MYH11: variants seen among roughly 807,000 people sequenced by gnomAD.
The protein encoded by MYH11 is myosin-11.
MYH11 carries 80 observed loss-of-function variants against 246.6 expected under a neutral mutation model. The ratio of observed to expected loss-of-function variants is 0.32; its 90% confidence interval spans 0.27 to 0.39. MYH11 has a LOEUF of 0.39. Among genes scored for constraint, MYH11 ranks in the 10% least tolerant of loss-of-function variants. The pLI is 1.00. For synonymous variants in MYH11, 1,071 were observed against 1,015.5 expected, an observed-to-expected ratio of 1.05 and a Z score of -1.04; for missense variants, 2,158 against 2,546.8, an observed-to-expected ratio of 0.85 and a Z score of 3.29.
chr16:15,738,476 G>A, intron 24 of MYH11, 89 bp downstream of exon 24: 1 of 1,285,364 alleles, frequency 7.8e-7, no homozygotes, highest in Non-Finnish European at 1.1e-6. Context: ...TCGCACCACT[G>A]CACTGCAGCC....
rs794728673 is a variant in MYH11, at chr16:15,771,639, C to G, written c.963G>C (p.Gln321His). 2 of 1,613,890 alleles carry G rather than the reference C, an allele frequency of 1.2e-6. No homozygotes were observed. Among genetic ancestry groups the G allele is most frequent in the Admixed American group, 1.7e-5 (1 of 59,964 alleles). Residue 321 changes from glutamine to histidine, a missense_variant, in exon 9 of 41, where the codon CAG (glutamine) becomes CAC (histidine). Coordinates refer to ENST00000300036, the MANE Select transcript of MYH11 (RefSeq NM_002474.3). ...SNGFVPIPAA[Q>H]DDEMFQETVE... The stretch of plus-strand genomic sequence containing the variant: ...CGGTTTCCTGGAACATCTCATCATC[C>G]TGGGCTGCTGGGATGGGCACAAAGC...
intron 3 of MYH11, among the ~76,000 whole-genome samples, chr16:15,819,417 T>C (rs574251171): frequency 1.3e-5 from 2 of 152,324 alleles, no homozygotes; most frequent in East Asian, 3.9e-4. Flanking sequence ...CATCTGTATT[T>C]ACAGCCACTC....
At chr16:15,724,490 G>GA (rs1455580299) in intron 30 of MYH11, 81 bp from the exon 31 acceptor site, 1 of 1,608,444 alleles carries the variant, frequency 6.2e-7, no homozygotes, top group Non-Finnish European at 8.5e-7. Flanking sequence ...TCTGAGAAGC[G>GA]AAGACCATGT....
In MYH11 at chr16:15,721,475, G is replaced by C; in HGVS notation, c.4525C>G (p.Leu1509Val). 1.2e-6 allele frequency: 2 copies of C among 1,614,182 alleles called. No homozygotes were observed. Among genetic ancestry groups the C allele is most frequent in the Non-Finnish European group, 1.7e-6 (2 of 1,180,040 alleles). Residue 1509 changes from leucine (L) to valine (V), a missense_variant, in exon 32 of 41, where the codon CTC becomes GTC. By Grantham distance (32) the Leu-to-Val change is conservative. Coordinates refer to ENST00000300036, the MANE Select transcript of MYH11 (RefSeq NM_002474.3). ...ACCAGGTCTTCCATTTCGGCTTTGA[G>C]CATTTTGTTGGTCCGCTCGAGTTCC... ...KEELERTNKM[L>V]KAEMEDLVSS...
At chr16:15,763,633 C>A (rs2041915927) in intron 10 of MYH11, among the ~76,000 whole-genome samples, 163 bp downstream of exon 10, 1 of 151,864 alleles carries the variant, frequency 6.6e-6, no homozygotes, top group Non-Finnish European at 1.5e-5. Context: ...CACATAGGGT[C>A]TTGAGCACTG....
intron 40 of MYH11, chr16:15,708,776 AC>A: frequency 6.3e-7 from 1 of 1,598,908 alleles, no homozygotes; most frequent in Non-Finnish European, 8.5e-7. Flanking sequence ...GAGACAACAC[AC>A]AGCTGCGAAG....
intron 40 of MYH11, among the ~76,000 whole-genome samples, chr16:15,707,508 G>A (rs1233068543): frequency 2.0e-5 from 3 of 152,190 alleles, no homozygotes; most frequent in African/African-American, 4.8e-5. Flanking sequence ...AGAGCTGCTT[G>A]AAGTGTCCTA....
At chr16:15,718,829 T>C (rs1423164757) in intron 36 of MYH11, 6 of 404,372 alleles carry the variant, frequency 1.5e-5, no homozygotes, top group African/African-American at 6.1e-5. Flanking sequence ...AGCAGCAGCA[T>C]TGAAATGGGG....
chr16:15,826,110 C>T (rs905271590), intron 2 of MYH11, among the ~76,000 whole-genome samples: 1 of 152,138 alleles, frequency 6.6e-6, no homozygotes, highest in Non-Finnish European at 1.5e-5. Flanking sequence ...AGCCTAGGCC[C>T]ATCCAACAGA....
chr16:15,784,794 T>C, intron 5 of MYH11: 2 of 1,562,764 alleles, frequency 1.3e-6, no homozygotes, highest in South Asian at 1.1e-5. Context: ...CTGGAGAATA[T>C]ATGACTTTGA....
intron 28 of MYH11, 129 bp from the exon 29 acceptor site, chr16:15,725,121 T>TC (rs2040686182): frequency 2.9e-6 from 2 of 697,950 alleles, no homozygotes; most frequent in Non-Finnish European, 2.4e-6. Flanking sequence ...ACCCGTGAGG[T>TC]ATGGGACTCT....
In MYH11 at chr16:15,737,308, G is replaced by T. The variant is rs1043634280; in HGVS notation, c.3293+141C>A. 4 of 1,008,570 alleles carry T rather than the reference G, an allele frequency of 4.0e-6. No homozygotes were observed. In the African/African-American group the frequency reaches 6.4e-5, roughly 16 times the overall value. 62.5% of individuals were successfully genotyped at this position (1,008,570 alleles called of 1,614,324 possible). On this transcript the variant is annotated intron_variant, in intron 25 of 40. Coordinates refer to ENST00000300036, the MANE Select transcript of MYH11 (RefSeq NM_002474.3). ...AGTGAACAGGGTCGAGAAGGCTTGT[G>T]GGAGGCCTGGCCTGGGAAACGAAGT...
intron 2 of MYH11, among the ~76,000 whole-genome samples, chr16:15,826,148 T>A (rs1185966652): frequency 6.6e-6 from 1 of 151,542 alleles, no homozygotes; most frequent in African/African-American, 2.4e-5. Context: ...GTTCGTTCAT[T>A]CATTCATTCA....
intron 4 of MYH11, chr16:15,790,956 T>A (rs1414567540): frequency 1.7e-5 from 1 of 57,912 alleles, no homozygotes; most frequent in Non-Finnish European, 3.8e-5. Context: ...TTTTCTTTTC[T>A]TTTTTTTTTT....
chr16:15,833,440 G>A (rs2043807856), intron 2 of MYH11, among the ~76,000 whole-genome samples: 1 of 146,880 alleles, frequency 6.8e-6, no homozygotes, highest in African/African-American at 2.5e-5. Flanking sequence ...ACTCGAGGCA[G>A]ACGAACTCAG....
chr16:15,734,797 G>A (rs1460246988), intron 26 of MYH11, among the ~76,000 whole-genome samples: 2 of 152,190 alleles, frequency 1.3e-5, no homozygotes, highest in East Asian at 3.9e-4. Flanking sequence ...TCTTATGTGT[G>A]GCCCAAGACA....
intron 27 of MYH11, among the ~76,000 whole-genome samples, chr16:15,728,891 C>T (rs1007896555): frequency 2.0e-5 from 3 of 151,576 alleles, no homozygotes; most frequent in Non-Finnish European, 4.4e-5. Context: ...CAGAGTGAGA[C>T]TTTGTCTCAA....
intron 26 of MYH11, among the ~76,000 whole-genome samples, chr16:15,734,763 T>G (rs1340057584): frequency 2.6e-5 from 4 of 152,224 alleles, no homozygotes; most frequent in East Asian, 1.9e-4. Context: ...TTTTAGTTGA[T>G]CAGCTATTAT....
intron 10 of MYH11, among the ~76,000 whole-genome samples, chr16:15,763,413 C>T (rs151227802): frequency 3.2e-4 from 49 of 152,066 alleles, no homozygotes; most frequent in African/African-American, 1.1e-3. Context: ...AGGGGTAGGA[C>T]GTGATGACTC....
Sources: allele counts gnomAD v4.1 joint callset (sites outside exome capture counted in the v4.1 genomes callset), GRCh38; gene constraint gnomAD v4.1.1; transcripts MANE v1.5; gene names NCBI Gene and HGNC (gene_info 2026-07-23, HGNC 2026-07-21).